LRBA: variants seen among roughly 807,000 people sequenced by gnomAD.
LRBA encodes the protein LPS responsive beige-like anchor protein, also known as lipopolysaccharide-responsive and beige-like anchor protein.
LRBA carries 176 observed loss-of-function variants against 330.0 expected under a neutral mutation model. The ratio of observed to expected loss-of-function variants is 0.53; its 90% CI spans 0.47 to 0.60. LRBA has a LOEUF of 0.60. Ranked by LOEUF, LRBA falls within the 20% of genes least tolerant of loss-of-function variation. The pLI, the probability that LRBA is intolerant of heterozygous loss-of-function variation, is 0.00. For missense variants in LRBA, 3,259 were observed against 3,444.8 expected (o/e 0.95, Z 1.35); for synonymous variants, 1,230 against 1,193.0 (o/e 1.03, Z -0.64).
chr4:150,559,307 A>AT (rs1337137535), intron 40 of LRBA, among the ~76,000 whole-genome samples: 3 of 151,740 alleles, frequency 2.0e-5, no homozygotes, highest in African/African-American at 7.3e-5. Context: ...TCATGCCTGT[A>AT]ATCCCAGCAC....
rs142315718 is a variant in LRBA, at chr4:150,617,575, G to A, written c.5922-18444C>T. Among the ~76,000 whole-genome samples the A allele has an allele frequency of 7.2e-3, 1,089 of 152,254 alleles. 10 individuals are homozygous for A. The highest frequency in any genetic ancestry group is 0.037 in the Middle Eastern group (11 of 294). On this transcript the variant is annotated intron_variant, in intron 37 of 56. Transcript: ENST00000651943. ...GAGAATCGCTTGAACCCGAGAGGCG[G>A]AGGTTGCAGTGAGCAGAGATTGCAC...
chr4:150,809,849 AAATACGATAC>A (rs1291927917), intron 31 of LRBA, among the ~76,000 whole-genome samples: 3 of 144,908 alleles, frequency 2.1e-5, no homozygotes, highest in Non-Finnish European at 4.5e-5. Flanking sequence ...CCCTGTCTTA[AAATACGATAC>A]GATACGATAC....
chr4:150,953,970 C>CA (rs1737189059), intron 2 of LRBA, among the ~76,000 whole-genome samples: 1 of 144,142 alleles, frequency 6.9e-6, no homozygotes, highest in Non-Finnish European at 1.5e-5. Flanking sequence ...GCCTCTGCCC[C>CA]GCCACCCCGT....
intron 2 of LRBA, among the ~76,000 whole-genome samples, chr4:150,993,416 T>C (rs1742309220): frequency 3.3e-5 from 5 of 152,148 alleles, no homozygotes; most frequent in Admixed American, 3.3e-4. Flanking sequence ...AAAGCAATTA[T>C]GTGATGGCTA....
chr4:150,978,620 A>G (rs1740482607), intron 2 of LRBA, among the ~76,000 whole-genome samples: 1 of 152,348 alleles, frequency 6.6e-6, no homozygotes, highest in South Asian at 2.1e-4. Context: ...AGGAAACTCA[A>G]AGAAATTGAA....
rs1010184232 is a variant in LRBA at position 150,687,194 on chromosome 4, T to C, written c.5755-3477A>G. Among the ~76,000 whole-genome samples the C allele has an allele frequency of 5.3e-5, 8 of 152,252 alleles. No homozygotes were observed. The East Asian group carries it at 1.5e-3, about 29-fold the overall frequency. On this transcript the variant is annotated intron_variant, in intron 36 of 56. Coordinates refer to ENST00000651943, the MANE Select transcript of LRBA (RefSeq NM_001364905.1). Reference sequence around the variant, plus strand: ...GTCCTTATAATGTAATTTGAAGATGTTCTTATTTAAAAACCAATAATAAAT... The same window carrying C: ...GTCCTTATAATGTAATTTGAAGATGCTCTTATTTAAAAACCAATAATAAAT...
chr4:150,804,551 C>T (rs907732029), intron 33 of LRBA, among the ~76,000 whole-genome samples: 1 of 152,092 alleles, frequency 6.6e-6, no homozygotes, highest in African/African-American at 2.4e-5. Context: ...TAAAAAATTC[C>T]TCAGACCATC....
chr4:150,276,996 T>G (rs1279291816), intron 56 of LRBA, among the ~76,000 whole-genome samples: 8 of 152,190 alleles, frequency 5.3e-5, no homozygotes, highest in African/African-American at 1.9e-4. Context: ...GCGGCACTAT[T>G]CACAATAGCA....
chr4:150,698,748 T>A (rs1007512445), intron 36 of LRBA, among the ~76,000 whole-genome samples: 3 of 152,226 alleles, frequency 2.0e-5, no homozygotes, highest in Non-Finnish European at 4.4e-5. Flanking sequence ...TTTCTTGTTA[T>A]ATGTATGTAT....
chr4:150,904,404 G>A (rs1169140356), intron 13 of LRBA, among the ~76,000 whole-genome samples: 2 of 151,872 alleles, frequency 1.3e-5, no homozygotes, highest in Admixed American at 1.3e-4. Context: ...GGCTAAAACA[G>A]GAGAAAATGC....
chr4:150,932,169 T>C (rs192132539), intron 2 of LRBA, among the ~76,000 whole-genome samples: 144 of 152,232 alleles, frequency 9.5e-4, no homozygotes, highest in African/African-American at 3.2e-3. Flanking sequence ...ACTAAGAGTT[T>C]TTAAGATTTC....
chr4:150,716,719 A>T (rs1243078964), intron 36 of LRBA, among the ~76,000 whole-genome samples: 9 of 152,180 alleles, frequency 5.9e-5, no homozygotes. Context: ...TATATACAGT[A>T]CCCTAAAATA....
rs552582289 is a variant in LRBA at position 150,629,025 on chromosome 4, C to A, written c.5922-29894G>T. ...TGATCCTCCTGCCTCATCCCCCAGG[C>A]AACTGGGACTACAGCTCAATGTCAC... On this transcript the variant is annotated intron_variant, in intron 37 of 56. Coordinates refer to ENST00000651943, the MANE Select transcript of LRBA (RefSeq NM_001364905.1). Among the ~76,000 whole-genome samples the A allele has an allele frequency of 2.0e-5, 3 of 152,248 alleles. No individual in the cohort carries two copies. The South Asian group carries it at 6.2e-4, about 32-fold the overall frequency.
chr4:150,953,970 C>T (rs1436588738), intron 2 of LRBA, among the ~76,000 whole-genome samples: 15 of 144,246 alleles, frequency 1.0e-4, no homozygotes, highest in Middle Eastern at 3.6e-3. Context: ...GCCTCTGCCC[C>T]GCCACCCCGT....
intron 52 of LRBA, among the ~76,000 whole-genome samples, chr4:150,309,788 T>C (rs1057264921): frequency 1.4e-5 from 2 of 146,088 alleles, no homozygotes; most frequent in Non-Finnish European, 3.1e-5. Context: ...CTAGGCAGAA[T>C]TGGGTGGAGG....
At chr4:150,762,415 C>T (rs532849837) in intron 34 of LRBA, among the ~76,000 whole-genome samples, 37 of 151,784 alleles carry the variant, frequency 2.4e-4, no homozygotes, top group South Asian at 2.3e-3. Context: ...TATTCTTGAT[C>T]CATTTGAAAT....
At chr4:150,777,321 A>C (rs1175552270) in intron 34 of LRBA, among the ~76,000 whole-genome samples, 1 of 152,136 alleles carries the variant, frequency 6.6e-6, no homozygotes, top group Non-Finnish European at 1.5e-5. Flanking sequence ...ACTCGTAGTA[A>C]TACTACCCTT....
intron 31 of LRBA, among the ~76,000 whole-genome samples, chr4:150,811,053 C>G (rs1578859470): frequency 1.3e-5 from 2 of 152,184 alleles, no homozygotes; most frequent in South Asian, 4.1e-4. Context: ...TCTGGCACTT[C>G]TAAGAGTCAG....
At chr4:150,511,048 G>A (rs1761774161) in intron 40 of LRBA, among the ~76,000 whole-genome samples, 1 of 151,988 alleles carries the variant, frequency 6.6e-6, no homozygotes, top group African/African-American at 2.4e-5. Context: ...AGTAGAGACA[G>A]GGTTTCACCA....
Sources: allele counts gnomAD v4.1 joint callset (sites outside exome capture counted in the v4.1 genomes callset), GRCh38; gene constraint gnomAD v4.1.1; transcripts MANE v1.5; gene names NCBI Gene and HGNC (gene_info 2026-07-23, HGNC 2026-07-21).